The following DPYSL5 variants were observed in gnomAD, a reference collection of about 807,000 sequenced individuals.
DPYSL5 encodes the protein dihydropyrimidinase like 5.
In DPYSL5, 9 loss-of-function variants were observed where a neutral mutation model predicts 58.4. The observed-to-expected ratio is 0.15, with a 90% CI of 0.09 to 0.27. The LOEUF (loss-of-function observed/expected upper bound fraction) is 0.27. DPYSL5 is among the 10% of genes least tolerant of loss of function. DPYSL5 has a pLI of 1.00. For missense variants in DPYSL5, 499 were observed against 770.6 expected (o/e 0.65, Z 4.17); for synonymous variants, 293 against 301.9 (o/e 0.97, Z 0.31).
intron 2 of DPYSL5, among the ~76,000 whole-genome samples, chr2:26,913,268 T>C (rs1463284216): frequency 6.6e-6 from 1 of 152,130 alleles, no homozygotes; most frequent in Non-Finnish European, 1.5e-5. Context: ...TGATTCCCCA[T>C]TCCTCCCTCC....
At position 26,877,265 on chromosome 2, in the gene DPYSL5, C is replaced by T. The variant is rs1166157589; in HGVS notation, c.-4-21231C>T. 1.3e-5 allele frequency among the ~76,000 whole-genome samples: 2 copies of T among 152,130 alleles called. No individual in the cohort carries two copies. The highest frequency in any genetic ancestry group is 2.9e-5 in the Non-Finnish European group (2 of 68,034). On this transcript the variant is annotated intron_variant, in intron 1 of 12. Coordinates refer to ENST00000288699, the MANE Select transcript of DPYSL5 (RefSeq NM_020134.4). This position sits in a 1 kb window ranked among gnomAD's most constrained non-coding sequence, Gnocchi z 4.1. The stretch of plus-strand genomic sequence containing the variant: ...ACAGGCATGAGCCACCGCGCCTGGC[C>T]CATAGCCACTTTATTATAACAATAT...
chr2:26,911,028 A>G (rs1426476818), intron 2 of DPYSL5, among the ~76,000 whole-genome samples: 1 of 144,236 alleles, frequency 6.9e-6, no homozygotes, highest in African/African-American at 2.6e-5. Context: ...AGTTCAGTCT[A>G]TGATCTGTTT....
chr2:26,915,115 G>A (rs1664530559), intron 2 of DPYSL5, among the ~76,000 whole-genome samples: 1 of 151,964 alleles, frequency 6.6e-6, no homozygotes. Context: ...CCCATTTACA[G>A]CTGCAGCCCA....
At chr2:26,871,323 C>T (rs1663257472) in intron 1 of DPYSL5, among the ~76,000 whole-genome samples, 1 of 152,028 alleles carries the variant, frequency 6.6e-6, no homozygotes, top group Non-Finnish European at 1.5e-5. Context: ...TGACTGTTTA[C>T]CTAATATTTT....
intron 1 of DPYSL5, among the ~76,000 whole-genome samples, chr2:26,889,642 G>A (rs1663819571): frequency 6.6e-6 from 1 of 151,714 alleles, no homozygotes; most frequent in Non-Finnish European, 1.5e-5. Context: ...CTCAATTGGA[G>A]CAGAGGGAAG....
At chr2:26,857,053 G>A (rs1665898023) in intron 1 of DPYSL5, among the ~76,000 whole-genome samples, 2 of 150,456 alleles carry the variant, frequency 1.3e-5, no homozygotes, top group Admixed American at 1.3e-4. Flanking sequence ...TGCTACTGCA[G>A]TTTTCTTAAC....
intron 5 of DPYSL5, among the ~76,000 whole-genome samples, chr2:26,928,860 G>A (rs1664899377): frequency 6.6e-6 from 1 of 151,188 alleles, no homozygotes; most frequent in African/African-American, 2.4e-5. Flanking sequence ...CACACCTGGG[G>A]TTGCTGTGCC....
At chr2:26,940,584 T>A (rs1316259204) in intron 9 of DPYSL5, among the ~76,000 whole-genome samples, 1 of 151,274 alleles carries the variant, frequency 6.6e-6, no homozygotes, top group Non-Finnish European at 1.5e-5. Flanking sequence ...CACCTCTGCC[T>A]CCTTAAGTGC....
intron 1 of DPYSL5, among the ~76,000 whole-genome samples, chr2:26,889,979 C>T (rs1028099298): frequency 2.6e-5 from 4 of 152,192 alleles, no homozygotes; most frequent in African/African-American, 4.8e-5. Flanking sequence ...CCACAGTCCA[C>T]AGCGAGGCGG....
rs35152822 is a variant in DPYSL5 at position 26,913,969 on chromosome 2, AAG to A, written c.262-10917_262-10916del. Among the ~76,000 whole-genome samples, 422 of 151,928 alleles carry A rather than the reference AAG, an allele frequency of 2.8e-3. 2 individuals are homozygous for A. The highest frequency in any genetic ancestry group is 9.9e-3 in the African/African-American group (409 of 41,436). ...CCAAAATGTAAAAAAAAAAAAAAAA[AAG>A]TGTTAGAGCTGATATATATACTAAC... On this transcript the variant is annotated intron_variant, in intron 2 of 12. Coordinates refer to ENST00000288699, the MANE Select transcript of DPYSL5 (RefSeq NM_020134.4).
intron 2 of DPYSL5, among the ~76,000 whole-genome samples, chr2:26,902,917 A>T (rs1469197559): frequency 6.6e-6 from 1 of 152,120 alleles, no homozygotes; most frequent in Non-Finnish European, 1.5e-5. Flanking sequence ...CAACATCAGG[A>T]AGTCACCCTA....
intron 2 of DPYSL5, among the ~76,000 whole-genome samples, chr2:26,907,917 C>G (rs991971714): frequency 2.6e-5 from 4 of 152,092 alleles, no homozygotes; most frequent in Admixed American, 2.0e-4. Context: ...ACGGTGTAGT[C>G]GACATCCAAG....
intron 1 of DPYSL5, among the ~76,000 whole-genome samples, chr2:26,891,744 C>T (rs576812800): frequency 6.6e-6 from 1 of 152,144 alleles, no homozygotes; most frequent in South Asian, 2.1e-4. Context: ...ATGATCTTGG[C>T]TCACTGCAAC....
At chr2:26,895,775 CTTTTTTTTTTTT>C (rs869030530) in intron 1 of DPYSL5, among the ~76,000 whole-genome samples, 3 of 101,086 alleles carry the variant, frequency 3.0e-5, no homozygotes, top group Non-Finnish European at 5.9e-5. Flanking sequence ...ATTTCTTTTT[CTTTTTTTTTTTT>C]TTTTTTTTTT....
At chr2:26,874,252 GA>G (rs1307752954) in intron 1 of DPYSL5, among the ~76,000 whole-genome samples, 1 of 152,080 alleles carries the variant, frequency 6.6e-6, no homozygotes, top group Non-Finnish European at 1.5e-5. Flanking sequence ...ATCTTATGAA[GA>G]ACACAAGTTT....
intron 1 of DPYSL5, among the ~76,000 whole-genome samples, chr2:26,890,254 C>CT (rs1663841428): frequency 6.6e-6 from 1 of 152,198 alleles, no homozygotes; most frequent in Non-Finnish European, 1.5e-5. Context: ...GCTCCGCAGA[C>CT]TGAGTTTCTT....
chr2:26,882,453 G>GTGTA (rs1178857980), intron 1 of DPYSL5, among the ~76,000 whole-genome samples: 1 of 151,286 alleles, frequency 6.6e-6, no homozygotes, highest in African/African-American at 2.4e-5. Context: ...GTGTGTGTGT[G>GTGTA]TGTATGTGTG....
chr2:26,908,053 T>C (rs1439652783), intron 2 of DPYSL5, among the ~76,000 whole-genome samples: 3 of 152,202 alleles, frequency 2.0e-5, no homozygotes, highest in Non-Finnish European at 4.4e-5. Flanking sequence ...TGTTCCTCCA[T>C]TGTCGTATGT....
chr2:26,912,350 C>T (rs1374108357), intron 2 of DPYSL5, among the ~76,000 whole-genome samples: 1 of 152,220 alleles, frequency 6.6e-6, no homozygotes, highest in African/African-American at 2.4e-5. Flanking sequence ...CACTGTCACA[C>T]CTTAGCTTTG....
Sources: allele counts gnomAD v4.1 joint callset (sites outside exome capture counted in the v4.1 genomes callset), GRCh38; gene constraint gnomAD v4.1.1; non-coding constraint Gnocchi (gnomAD v3.1); transcripts MANE v1.5; gene names NCBI Gene and HGNC (gene_info 2026-07-23, HGNC 2026-07-21).